The following ANKS1A variants were observed in gnomAD, a reference collection of about 807,000 sequenced individuals.
ANKS1A encodes ankyrin repeat and sterile alpha motif domain containing 1A, also known as ankyrin repeat and SAM domain-containing protein 1A.
In ANKS1A, 55 loss-of-function variants were observed where a neutral mutation model predicts 120.3. The observed-to-expected ratio is 0.46, with a 90% CI of 0.37 to 0.57. The LOEUF (loss-of-function observed/expected upper bound fraction) is 0.57, where lower values mean the gene tolerates loss of function less well. Ranked by LOEUF, ANKS1A falls within the 20% of genes least tolerant of loss-of-function variation. ANKS1A has a pLI of 0.00. For synonymous variants in ANKS1A, 590 were observed against 604.7 expected (o/e 0.98, Z 0.36); for missense variants, 1,123 against 1,480.3 (o/e 0.76, Z 3.96).
At chr6:35,026,409 T>C (rs1357217445) in intron 11 of ANKS1A, among the ~76,000 whole-genome samples, 1 of 152,208 alleles carries the variant, frequency 6.6e-6, no homozygotes, top group Admixed American at 6.5e-5. Context: ...GATACAGCAA[T>C]GAACAAAACA....
intron 10 of ANKS1A, among the ~76,000 whole-genome samples, chr6:35,007,912 A>G (rs141331245): frequency 6.6e-6 from 1 of 152,346 alleles, no homozygotes; most frequent in Non-Finnish European, 1.5e-5. Context: ...ACATCAGAGT[A>G]CCAATTCCTT....
At chr6:34,942,955 CCCTTTCCTTTTCCTTTTCCTTTT>C (rs1484389039) in intron 1 of ANKS1A, among the ~76,000 whole-genome samples, 5 of 150,892 alleles carry the variant, frequency 3.3e-5, no homozygotes, top group African/African-American at 4.9e-5. Flanking sequence ...TTCCCCTTTC[CCCTTTCCTTTTCCTTTTCCTTTT>C]CCTTTCCTTT....
rs936708126 is a variant in ANKS1A, at chr6:35,084,547, T to C, written c.3132+289T>C. ...CTCACTATGTTGCCCAGGCTTGCCT[T>C]GCACTCCTGGGTTCAGGCAAGTTAC... On this transcript the variant is annotated intron_variant, in intron 21 of 23. Transcript: ENST00000360359. This position sits in a 1 kb window ranked among gnomAD's most constrained non-coding sequence, Gnocchi z 4.8. Among the ~76,000 whole-genome samples the C allele has an allele frequency of 1.3e-5, 2 of 150,768 alleles. No individual in the cohort carries two copies. Among genetic ancestry groups the C allele is most frequent in the Admixed American group, 6.6e-5 (1 of 15,094 alleles).
At chr6:35,011,770 A>G (rs1773770132) in intron 10 of ANKS1A, among the ~76,000 whole-genome samples, 1 of 152,320 alleles carries the variant, frequency 6.6e-6, no homozygotes, top group East Asian at 1.9e-4. Flanking sequence ...GTGCAGTGTT[A>G]GCATGATGAG....
intron 13 of ANKS1A, among the ~76,000 whole-genome samples, chr6:35,066,046 C>G (rs1776757648): frequency 6.6e-6 from 1 of 152,170 alleles, no homozygotes; most frequent in Non-Finnish European, 1.5e-5. Context: ...GAGCTGGGTT[C>G]CCCTCCAGGT....
intron 1 of ANKS1A, among the ~76,000 whole-genome samples, chr6:34,962,090 A>G (rs370604778): frequency 1.3e-5 from 2 of 152,242 alleles, no homozygotes; most frequent in South Asian, 2.1e-4. Flanking sequence ...TTCCAGATCC[A>G]TGTCACTTGC....
intron 1 of ANKS1A, among the ~76,000 whole-genome samples, chr6:34,905,311 C>T (rs183039373): frequency 5.9e-5 from 9 of 152,344 alleles, no homozygotes; most frequent in East Asian, 5.8e-4. Context: ...TGGGGCCAGC[C>T]GCCTGATTCT....
chr6:34,939,040 A>G (rs545300670), intron 1 of ANKS1A, among the ~76,000 whole-genome samples: 15 of 152,354 alleles, frequency 9.8e-5, no homozygotes, highest in Non-Finnish European at 2.1e-4. Flanking sequence ...TCTCATAAGT[A>G]GTTGCAAAAT....
chr6:34,912,633 G>A (rs1216132195), intron 1 of ANKS1A, among the ~76,000 whole-genome samples: 1 of 152,196 alleles, frequency 6.6e-6, no homozygotes. Context: ...CTAACAGATA[G>A]TAAGGATTTC....
chr6:34,905,265 G>T (rs879560666), intron 1 of ANKS1A, among the ~76,000 whole-genome samples: 2 of 152,234 alleles, frequency 1.3e-5, no homozygotes, highest in Non-Finnish European at 2.9e-5. Flanking sequence ...CTCTGATCCA[G>T]CCTGGTGGAG....
chr6:35,013,181 T>A (rs894356461), intron 10 of ANKS1A, among the ~76,000 whole-genome samples: 4 of 152,244 alleles, frequency 2.6e-5, no homozygotes, highest in Non-Finnish European at 5.9e-5. Flanking sequence ...AGCTACCTCT[T>A]CTGAGAAGCC....
rs569035549 is a variant in ANKS1A at position 35,002,246 on chromosome 6, A to C, written c.1423+7824A>C. Reference sequence around the variant, plus strand: ...TATTCTAGTGCGCCCAACCTCCGAGACCATCCTTAAACATCAGTAGACTGG... The same window carrying C: ...TATTCTAGTGCGCCCAACCTCCGAGCCCATCCTTAAACATCAGTAGACTGG... On this transcript the variant is annotated intron_variant, in intron 10 of 23. Transcript: ENST00000360359. 4.5e-4 allele frequency among the ~76,000 whole-genome samples: 68 copies of C among 152,158 alleles called. No homozygotes were observed. In the South Asian group the frequency reaches 0.014, roughly 30 times the overall value.
the ANKS1A span, among the ~76,000 whole-genome samples, chr6:35,097,120 C>T: frequency 6.6e-6 from 1 of 152,034 alleles, no homozygotes; most frequent in African/African-American, 2.4e-5. Flanking sequence ...ACCTAGACAC[C>T]TTTTGTAAAT....
chr6:35,054,008 T>C (rs1776086450), intron 11 of ANKS1A, 91 bp from the exon 12 acceptor site: 1 of 1,022,526 alleles, frequency 9.8e-7, no homozygotes. Flanking sequence ...GAAAGAGACC[T>C]GGAGGTCAGA....
At chr6:34,948,058 G>C (rs1250510835) in intron 1 of ANKS1A, among the ~76,000 whole-genome samples, 1 of 151,744 alleles carries the variant, frequency 6.6e-6, no homozygotes, top group Admixed American at 6.6e-5. Flanking sequence ...TTTACTTTAA[G>C]TTCTAGGGTA....
rs150361038 is a variant in ANKS1A, at chr6:35,088,296, G to C, written c.3402-310G>C. ...TGGCAGGAGACAGGAAGGAAGCGGCGCCCATAGGCAGCCGTGCACACATAG... is the reference window on the plus strand; with the variant it reads ...TGGCAGGAGACAGGAAGGAAGCGGCCCCCATAGGCAGCCGTGCACACATAG... On this transcript the variant is annotated intron_variant, in intron 23 of 23. Coordinates refer to ENST00000360359, the MANE Select transcript of ANKS1A (RefSeq NM_015245.3). Among the ~76,000 whole-genome samples the C allele has an allele frequency of 3.2e-4, 48 of 152,302 alleles. No individual in the cohort carries two copies. The East Asian group carries it at 5.0e-3, about 16-fold the overall frequency.
Position 35,086,015 on chromosome 6 carries a change from G to C in ANKS1A, c.3303+79G>C. The C allele has an allele frequency of 6.8e-7, 1 of 1,475,270 alleles. No homozygotes were observed. The allele number at this position is 1,475,270 out of a possible 1,614,324, so 91.4% of individuals were successfully genotyped here. ...GGGCTCAGGGTGGTCAGCGTGAGGAGGGTCTTCTGGCACTTCCAGAAAGCT... is the reference window on the plus strand; with the variant it reads ...GGGCTCAGGGTGGTCAGCGTGAGGACGGTCTTCTGGCACTTCCAGAAAGCT... On this transcript the variant is annotated intron_variant, in intron 22 of 23. Transcript: ENST00000360359. This position sits in a 1 kb window ranked among gnomAD's most constrained non-coding sequence, Gnocchi z 5.1.
chr6:35,071,968 A>G (rs1777108778), intron 13 of ANKS1A, among the ~76,000 whole-genome samples: 2 of 152,176 alleles, frequency 1.3e-5, no homozygotes, highest in African/African-American at 4.8e-5. Flanking sequence ...GACAGCTCCT[A>G]TTTCCCCTTT....
At chr6:35,028,689 CAT>C (rs539911648) in intron 11 of ANKS1A, among the ~76,000 whole-genome samples, 7 of 152,182 alleles carry the variant, frequency 4.6e-5, no homozygotes, top group East Asian at 1.9e-4. Flanking sequence ...GGTGCTGTCT[CAT>C]GTGTACTGCT....
Sources: gnomAD v4.1 joint callset for allele counts (sites outside exome capture counted in the v4.1 genomes callset) on GRCh38, gnomAD v4.1.1 for gene constraint, Gnocchi (gnomAD v3.1) non-coding constraint, MANE v1.5 for transcripts, NCBI Gene and HGNC (gene_info 2026-07-23, HGNC 2026-07-21) for gene names.